Variants in CLYBL observed in about 807,000 individuals in gnomAD.
CLYBL encodes citramalyl-CoA lyase.
CLYBL carries 31 observed loss-of-function variants against 38.9 expected under a neutral mutation model. That is an observed-to-expected ratio of 0.80 (90% CI 0.60 to 1.08). CLYBL has a LOEUF of 1.08. Among genes scored for constraint, CLYBL ranks in the 50% least tolerant of loss-of-function variants. The pLI, the probability that CLYBL is intolerant of heterozygous loss-of-function variation, is 0.00. For synonymous variants in CLYBL, 171 were observed against 158.6 expected (o/e 1.08, Z -0.59); for missense variants, 434 against 411.6 (o/e 1.05, Z -0.47).
rs1430683579 is a variant in CLYBL, at chr13:99,801,615, A to T, written c.249+28605A>T. Among the ~76,000 whole-genome samples the T allele has an allele frequency of 3.9e-5, 6 of 152,234 alleles. 1 individual carries two copies. Among genetic ancestry groups the T allele is most frequent in the Non-Finnish European group, 8.8e-5 (6 of 68,044 alleles). On this transcript the variant is annotated intron_variant, in intron 2 of 8. Coordinates refer to ENST00000339105, the MANE Select transcript of CLYBL (RefSeq NM_206808.5). ...TTTGTCTACCAAATTCTGTGTGGCT[A>T]ACAGCTTGTGCCTTTTCTCCTTCAG...
intron 2 of CLYBL, among the ~76,000 whole-genome samples, chr13:99,854,557 G>A (rs183776397): frequency 1.3e-5 from 2 of 152,102 alleles, no homozygotes; most frequent in Non-Finnish European, 2.9e-5. Context: ...TCTCCAGATG[G>A]CGAGACTGTG....
At chr13:99,788,755 G>A (rs1490636247) in intron 2 of CLYBL, among the ~76,000 whole-genome samples, 2 of 152,162 alleles carry the variant, frequency 1.3e-5, no homozygotes. Flanking sequence ...TCTATTGATT[G>A]GAATAGCTTC....
intron 7 of CLYBL, among the ~76,000 whole-genome samples, chr13:99,889,326 C>G (rs2052429601): frequency 1.3e-5 from 2 of 152,152 alleles, no homozygotes; most frequent in African/African-American, 4.8e-5. Flanking sequence ...ACCAAGAGGC[C>G]TTTGGTCTTC....
intron 1 of CLYBL, among the ~76,000 whole-genome samples, chr13:99,658,140 C>T (rs558867993): frequency 6.6e-6 from 1 of 152,346 alleles, no homozygotes; most frequent in Non-Finnish European, 1.5e-5. Flanking sequence ...GAGCAGAAGG[C>T]CGCCTGCGTG....
At chr13:99,811,195 CAG>C (rs1353701947) in intron 2 of CLYBL, among the ~76,000 whole-genome samples, 1 of 152,164 alleles carries the variant, frequency 6.6e-6, no homozygotes, top group East Asian at 1.9e-4. Flanking sequence ...ACAATAAAAA[CAG>C]ATGCAAGTCC....
intron 1 of CLYBL, among the ~76,000 whole-genome samples, chr13:99,755,091 G>T (rs945024849): frequency 6.6e-6 from 1 of 151,860 alleles, no homozygotes; most frequent in African/African-American, 2.4e-5. Flanking sequence ...TAGAGACAGG[G>T]TTTCACCATG....
At chr13:99,762,464 G>C (rs1015503210) in intron 1 of CLYBL, among the ~76,000 whole-genome samples, 1 of 152,192 alleles carries the variant, frequency 6.6e-6, no homozygotes, top group African/African-American at 2.4e-5. Context: ...TCAAAGATGA[G>C]TTGCTCATAA....
In CLYBL at chr13:99,735,576, C is replaced by T. The variant is rs188566352; in HGVS notation, c.63-37248C>T. 3.9e-5 allele frequency among the ~76,000 whole-genome samples: 6 copies of T among 151,908 alleles called. No homozygotes were observed. The East Asian group carries it at 9.7e-4, about 24-fold the overall frequency. On this transcript the variant is annotated intron_variant, in intron 1 of 8. Coordinates refer to ENST00000339105, the MANE Select transcript of CLYBL (RefSeq NM_206808.5). ...GCTCTGGCTTGTGCAGTGCAGTGCC[C>T]TGAGAAAACTGATATTAATTGTACA...
At position 99,864,861 on chromosome 13, in the gene CLYBL, T is replaced by C; in HGVS notation, c.584T>C (p.Leu195Pro). The C allele has an allele frequency of 2.5e-6, 4 of 1,614,120 alleles. No individual in the cohort carries two copies. The highest frequency in any genetic ancestry group is 3.4e-6 in the Non-Finnish European group (4 of 1,179,978). Reference protein sequence around the residue: ...ETLKVGPQVGLFLDAVVFGGE... With the variant: ...ETLKVGPQVGPFLDAVVFGGE... ...CTGAAGGTCGGGCCTCAAGTAGGTC[T>C]CTTTCTAGATGCAGTCGTTTTTGGA... The change falls in exon 5 of 9, where the codon CTC (leucine) becomes CCC (proline). Residue 195 changes from leucine to proline, a missense_variant. Transcript: ENST00000339105.
At chr13:99,663,645 A>C (rs1367121604) in intron 1 of CLYBL, among the ~76,000 whole-genome samples, 1 of 152,168 alleles carries the variant, frequency 6.6e-6, no homozygotes, top group East Asian at 1.9e-4. Flanking sequence ...AGTGTCCAGT[A>C]TGTGTCTGCA....
At chr13:99,859,797 C>G (rs186862472) in intron 3 of CLYBL, among the ~76,000 whole-genome samples, 1 of 152,100 alleles carries the variant, frequency 6.6e-6, no homozygotes, top group Non-Finnish European at 1.5e-5. Flanking sequence ...ATTTGAGGGT[C>G]GCTATTATTC....
intron 2 of CLYBL, among the ~76,000 whole-genome samples, chr13:99,819,027 G>A (rs971438561): frequency 2.6e-5 from 4 of 152,126 alleles, no homozygotes; most frequent in East Asian, 1.9e-4. Context: ...AGTGCCTTAC[G>A]TTTCCAAGGT....
downstream of CLYBL, among the ~76,000 whole-genome samples, chr13:99,899,529 G>C (rs1197001963): frequency 6.6e-6 from 1 of 152,120 alleles, no homozygotes; most frequent in East Asian, 1.9e-4. Flanking sequence ...GTGGGGCAAT[G>C]GGGAGTTACT....
intron 8 of CLYBL, among the ~76,000 whole-genome samples, chr13:99,904,071 C>T (rs61134003): frequency 2.0e-5 from 3 of 151,512 alleles, no homozygotes; most frequent in Admixed American, 6.6e-5. Context: ...AACAAAAAAA[C>T]CCCACACCTT....
Position 99,772,832 on chromosome 13 carries a change from C to T in CLYBL, c.71C>T (p.Ser24Phe). Residue 24 changes from serine to phenylalanine, a missense_variant, in exon 2 of 9, where the codon TCT becomes TTT. Ser to Phe is a radical substitution (Grantham distance 155). Coordinates refer to ENST00000339105, the MANE Select transcript of CLYBL (RefSeq NM_206808.5). ...AATCACGTGTCTTGCAGGAAAGCGT[C>T]TCTAGCAGCTGATATCCCCAGACTT... ...AAAALLRLKA[S>F]LAADIPRLGY... The T allele has an allele frequency of 6.3e-7, 1 of 1,595,574 alleles. No individual in the cohort carries two copies. The highest frequency in any genetic ancestry group is 2.2e-5 in the East Asian group (1 of 44,668).
At chr13:99,619,074 C>T (rs1566590107) in intron 1 of CLYBL, among the ~76,000 whole-genome samples, 1 of 152,302 alleles carries the variant, frequency 6.6e-6, no homozygotes, top group East Asian at 1.9e-4. Flanking sequence ...ATTATACTAG[C>T]CAGTCACAGA....
chr13:99,894,857 A>T (rs1289239488), downstream of CLYBL: 1 of 151,766 alleles, frequency 6.6e-6, no homozygotes, highest in African/African-American at 2.4e-5. Context: ...TTTTATTGAA[A>T]TGGTGAAGGG....
intron 1 of CLYBL, among the ~76,000 whole-genome samples, chr13:99,714,172 C>T (rs2048277917): frequency 6.6e-6 from 1 of 152,112 alleles, no homozygotes; most frequent in Admixed American, 6.6e-5. Context: ...TATCTTATTT[C>T]TCTGTTTGTT....
chr13:99,719,968 C>T (rs1395698765), intron 1 of CLYBL, among the ~76,000 whole-genome samples: 1 of 151,904 alleles, frequency 6.6e-6, no homozygotes, highest in Non-Finnish European at 1.5e-5. Context: ...AATCTGTTCA[C>T]ATTTGTTGTG....
Sources: allele counts gnomAD v4.1 joint callset (sites outside exome capture counted in the v4.1 genomes callset), GRCh38; gene constraint gnomAD v4.1.1; transcripts MANE v1.5; gene names NCBI Gene and HGNC (gene_info 2026-07-23, HGNC 2026-07-21).